CREB5: variants seen among roughly 807,000 people sequenced by gnomAD.
The protein encoded by CREB5 is cAMP responsive element binding protein 5.
A neutral mutation model predicts 57.1 loss-of-function variants in CREB5; 19 were observed. The observed-to-expected ratio is 0.33, with a 90% CI of 0.23 to 0.49. CREB5 has a LOEUF of 0.49. CREB5 is among the 20% of genes least tolerant of loss of function. The pLI is 0.99. For synonymous variants in CREB5, 238 were observed against 238.3 expected, an observed-to-expected ratio of 1.00 and a Z score of 0.01; for missense variants, 579 against 671.6, an observed-to-expected ratio of 0.86 and a Z score of 1.52.
In CREB5 at chr7:28,790,861, T is replaced by A. The variant is rs148312545; in HGVS notation, c.703-13338T>A. Among the ~76,000 whole-genome samples the A allele has an allele frequency of 1.7e-4, 26 of 152,342 alleles. No individual in the cohort carries two copies. The East Asian group carries it at 4.2e-3, about 25-fold the overall frequency. On this transcript the variant is annotated intron_variant, in intron 7 of 10. Coordinates refer to ENST00000357727, the MANE Select transcript of CREB5 (RefSeq NM_182898.4). ...GAATATGTCACAGAAATGGGAGAAC[T>A]ACCCACTGCTAGACCTGCCATCACC... is the stretch of plus-strand genomic sequence containing the variant.
chr7:28,530,774 G>A (rs557600043), intron 4 of CREB5, among the ~76,000 whole-genome samples: 3 of 152,258 alleles, frequency 2.0e-5, no homozygotes, highest in South Asian at 2.1e-4. Context: ...AACAAGCAGT[G>A]CTGGAACTCT....
chr7:28,445,772 C>A (rs894184786), intron 1 of CREB5, among the ~76,000 whole-genome samples: 8 of 151,638 alleles, frequency 5.3e-5, no homozygotes, highest in Admixed American at 1.3e-4. Flanking sequence ...AGGATGATCT[C>A]GATCTTCTGA....
chr7:28,497,030 A>G (rs1792087234), intron 3 of CREB5, among the ~76,000 whole-genome samples: 1 of 152,044 alleles, frequency 6.6e-6, no homozygotes, highest in Non-Finnish European at 1.5e-5. Context: ...AGATTCTGCA[A>G]TTCCCAATAT....
In CREB5 at chr7:28,820,812, C is replaced by CTT. The variant is rs1365730129; in HGVS notation, c.*1534_*1535dup. On this transcript the variant is annotated 3_prime_UTR_variant, in exon 11 of 11. Coordinates refer to ENST00000357727, the MANE Select transcript of CREB5 (RefSeq NM_182898.4). ...TTTTAAAATAAAAGATGAGGTCTGT[C>CTT]TTATGTTGCCCAGGCTGGTCTCAAA... 6.6e-6 allele frequency: 1 copy of CTT among 152,070 alleles called. No individual in the cohort carries two copies. Among genetic ancestry groups the CTT allele is most frequent in the African/African-American group, 2.4e-5 (1 of 41,370 alleles). 9.4% of individuals were successfully genotyped at this position (152,070 alleles called of 1,614,324 possible). A position where few individuals can be genotyped will look rare whatever the true frequency, so the allele number is the denominator to read the frequency against.
chr7:28,310,435 T>C (rs1300393842), intron 1 of CREB5, among the ~76,000 whole-genome samples: 3 of 152,242 alleles, frequency 2.0e-5, no homozygotes, highest in Non-Finnish European at 2.9e-5. Context: ...TAGTCCTGGC[T>C]GGACTATTAA....
chr7:28,760,354 C>T (rs1805574938), intron 7 of CREB5, among the ~76,000 whole-genome samples: 1 of 152,212 alleles, frequency 6.6e-6, no homozygotes, highest in Admixed American at 6.5e-5. Flanking sequence ...AGTTCTGATG[C>T]ATCATGGCAG....
Position 28,391,508 on chromosome 7 carries a change from G to A in CREB5, c.-25+92067G>A, listed in dbSNP as rs768442554. The stretch of plus-strand genomic sequence containing the variant: ...TCATGCTTTCCAATATAATTACAGC[G>A]TAAAGTAAATGAAATCAGAGCAACT... On this transcript the variant is annotated intron_variant, in intron 1 of 9. Coordinates refer to the CREB5 transcript ENST00000396299. Among the ~76,000 whole-genome samples the A allele has an allele frequency of 7.2e-5, 11 of 152,310 alleles. 1 individual carries two copies. The highest frequency in any genetic ancestry group is 4.1e-4 in the South Asian group (2 of 4,832).
At chr7:28,485,308 G>A (rs1298746097) in intron 1 of CREB5, among the ~76,000 whole-genome samples, 9 of 151,978 alleles carry the variant, frequency 5.9e-5, no homozygotes, top group African/African-American at 9.7e-5. Flanking sequence ...ATAAATGTGC[G>A]TATATGAAAC....
chr7:28,331,848 CAAAA>C (rs145837781), intron 1 of CREB5, among the ~76,000 whole-genome samples: 4 of 75,582 alleles, frequency 5.3e-5, no homozygotes, highest in African/African-American at 5.4e-5. Context: ...AACTCCATCT[CAAAA>C]AAAAAAAAAA....
intron 1 of CREB5, among the ~76,000 whole-genome samples, chr7:28,465,593 C>A (rs1790530020): frequency 6.6e-6 from 1 of 152,152 alleles, no homozygotes; most frequent in Non-Finnish European, 1.5e-5. Context: ...CCTAGCTCTG[C>A]TTTTACTGAT....
chr7:28,767,728 C>T (rs1052389683), intron 7 of CREB5, among the ~76,000 whole-genome samples: 8 of 152,232 alleles, frequency 5.3e-5, no homozygotes, highest in African/African-American at 1.7e-4. Context: ...TTCACAATTA[C>T]TAAGTTGCAT....
chr7:28,360,713 AATAT>A (rs1048607433), intron 1 of CREB5, among the ~76,000 whole-genome samples: 2 of 152,184 alleles, frequency 1.3e-5, no homozygotes, highest in African/African-American at 4.8e-5. Context: ...GTGCCCCATA[AATAT>A]ATATAATTTT....
intron 1 of CREB5, among the ~76,000 whole-genome samples, chr7:28,338,599 T>C (rs867394250): frequency 6.6e-6 from 1 of 152,156 alleles, no homozygotes; most frequent in Non-Finnish European, 1.5e-5. Flanking sequence ...CTTGAGGTAG[T>C]CTTTTTTGGA....
chr7:28,593,742 A>G (rs879356419), intron 5 of CREB5, among the ~76,000 whole-genome samples: 3 of 152,190 alleles, frequency 2.0e-5, no homozygotes, highest in African/African-American at 4.8e-5. Context: ...CCAGCCCCTC[A>G]AGATGTGCCA....
intron 5 of CREB5, among the ~76,000 whole-genome samples, chr7:28,705,332 T>C (rs1286113020): frequency 7.2e-6 from 1 of 138,136 alleles, no homozygotes; most frequent in Non-Finnish European, 1.5e-5. Flanking sequence ...ACCACTGCAC[T>C]CCAGCCTGGG....
intron 1 of CREB5, among the ~76,000 whole-genome samples, chr7:28,449,188 A>T (rs2128566728): frequency 6.6e-6 from 1 of 152,296 alleles, no homozygotes; most frequent in Non-Finnish European, 1.5e-5. Context: ...CACTAAAGGC[A>T]ATCTTCTCTA....
intron 1 of CREB5, among the ~76,000 whole-genome samples, chr7:28,418,577 C>A (rs1440167105): frequency 6.6e-6 from 1 of 152,170 alleles, no homozygotes; most frequent in Non-Finnish European, 1.5e-5. Flanking sequence ...TCTATTCAAC[C>A]ATATCGCCTT....
At chr7:28,320,518 C>T (rs1785479146) in intron 1 of CREB5, among the ~76,000 whole-genome samples, 1 of 152,134 alleles carries the variant, frequency 6.6e-6, no homozygotes, top group Non-Finnish European at 1.5e-5. Context: ...AATTGCAGCT[C>T]CTGATCCTGC....
chr7:28,429,585 C>T (rs982436022), intron 1 of CREB5, among the ~76,000 whole-genome samples: 12 of 152,106 alleles, frequency 7.9e-5, no homozygotes, highest in Non-Finnish European at 1.2e-4. Context: ...TGGGAACAAA[C>T]GCTTTTTTGA....
Sources: gnomAD v4.1 joint callset for allele counts (sites outside exome capture counted in the v4.1 genomes callset) on GRCh38, gnomAD v4.1.1 for gene constraint, MANE v1.5 for transcripts, NCBI Gene and HGNC (gene_info 2026-07-23, HGNC 2026-07-21) for gene names.